Variants in PSMD8 observed in about 807,000 individuals in gnomAD.
PSMD8 encodes the protein 26S proteasome non-ATPase regulatory subunit 8.
PSMD8 carries 30 observed loss-of-function variants against 40.0 expected under a neutral mutation model. The ratio of observed to expected loss-of-function variants is 0.75; its 90% CI spans 0.56 to 1.02. The LOEUF (loss-of-function observed/expected upper bound fraction) is 1.02, where lower values mean the gene tolerates loss of function less well. PSMD8 is among the 50% of genes least tolerant of loss of function. The pLI, the probability that PSMD8 is intolerant of heterozygous loss-of-function variation, is 0.00. For missense variants in PSMD8, 461 were observed against 463.9 expected (o/e 0.99, Z 0.06); for synonymous variants, 208 against 192.5 (o/e 1.08, Z -0.67).
At position 38,374,753 on chromosome 19, in the gene PSMD8, G is replaced by A; in HGVS notation, c.152G>A (p.Cys51Tyr). Residue 51 changes from cysteine (C) to tyrosine (Y), a missense_variant, in exon 1 of 7, where the codon TGC becomes TAC. Transcript: ENST00000215071. Reference protein sequence around the residue: ...FRRASVCRRRCRKSGGLLAAS... With the variant: ...FRRASVCRRRYRKSGGLLAAS... ...CGGGCAAGCGTTTGTAGGCGGCGCT[G>A]CCGTAAATCAGGCGGTCTGCTTGCC... The A allele has an allele frequency of 6.4e-7, 1 of 1,559,612 alleles. No homozygotes were observed. Among genetic ancestry groups the A allele is most frequent in the Non-Finnish European group, 8.6e-7 (1 of 1,156,510 alleles).
chr19:38,380,638 A>G (rs1229881459), intron 4 of PSMD8, among the ~76,000 whole-genome samples: 2 of 130,748 alleles, frequency 1.5e-5, no homozygotes, highest in Admixed American at 8.1e-5. Flanking sequence ...AGATAATGAG[A>G]TGCCAGCCCA....
chr19:38,376,143 C>A lies in PSMD8; in HGVS notation c.361-17C>A. 2 of 1,580,480 alleles carry A rather than the reference C, an allele frequency of 1.3e-6. No individual in the cohort carries two copies. The highest frequency in any genetic ancestry group is 1.7e-6 in the Non-Finnish European group (2 of 1,153,554). On this transcript the variant is annotated splice_polypyrimidine_tract_variant and intron_variant, in intron 1 of 6. Coordinates refer to ENST00000215071, the MANE Select transcript of PSMD8 (RefSeq NM_002812.5). ...ATTCCCTTCTTTTCTTTCTTCCCTC[C>A]CTCCCCTCCCCATCAGCTAGTTCTT... is the stretch of plus-strand genomic sequence containing the variant.
Position 38,374,849 on chromosome 19 carries a change from C to T in PSMD8, c.248C>T (p.Thr83Ile), listed in dbSNP as rs1188034907. The change falls in exon 1 of 7, where the codon ACC becomes ATC. Residue 83 changes from threonine to isoleucine, a missense_variant. Around this residue, in one of 2 missense-constraint regions of PSMD8, gnomAD observed 225 missense variants for 142.7 expected, o/e 1.58. Coordinates refer to ENST00000215071, the MANE Select transcript of PSMD8 (RefSeq NM_002812.5). ...AGFSSSGPAA[T>I]SGAVLQAATG... Reference sequence around the variant, plus strand: ...TTCTCGAGCTCCGGGCCCGCGGCAACCTCGGGCGCTGTTCTGCAGGCCGCG... The same window carrying T: ...TTCTCGAGCTCCGGGCCCGCGGCAATCTCGGGCGCTGTTCTGCAGGCCGCG... 1.3e-6 allele frequency: 2 copies of T among 1,580,750 alleles called. No individual in the cohort carries two copies. The highest frequency in any genetic ancestry group is 1.3e-5 in the African/African-American group (1 of 74,488).
chr19:38,375,218 G>A (rs1970588512), intron 1 of PSMD8: 2 of 556,214 alleles, frequency 3.6e-6, no homozygotes, highest in Non-Finnish European at 3.1e-6. Context: ...AGGCGGGGGA[G>A]CGTCGCTTGA....
chr19:38,380,707 A>AGAGAGG (rs1555743507), intron 4 of PSMD8, among the ~76,000 whole-genome samples, 192 bp from the exon 5 acceptor site: 1 of 120,880 alleles, frequency 8.3e-6, no homozygotes, highest in South Asian at 2.9e-4. Flanking sequence ...AGAGAGAGAG[A>AGAGAGG]GTGTGTGTGT....
intron 3 of PSMD8, among the ~76,000 whole-genome samples, chr19:38,378,241 C>G (rs1254716004): frequency 2.6e-5 from 4 of 151,560 alleles, no homozygotes; most frequent in Non-Finnish European, 5.9e-5. Context: ...GGCATGGTGG[C>G]TTACACCTGT....
Position 38,374,723 on chromosome 19 carries a change from T to C in PSMD8, c.122T>C (p.Phe41Ser). 1 of 1,547,926 alleles carries C rather than the reference T, an allele frequency of 6.5e-7. No individual in the cohort carries two copies. The change falls in exon 1 of 7, where the codon TTC (phenylalanine) becomes TCC (serine). Residue 41 changes from phenylalanine (F) to serine (S), a missense_variant. By Grantham distance (155) the Phe-to-Ser change is radical. Transcript: ENST00000215071. ...TTGGGCTCCACCTCTCGGCCCCACT[T>C]CCGCCGGGCAAGCGTTTGTAGGCGG... ...RALGSTSRPHFRRASVCRRRC... is the reference protein window; with the variant it reads ...RALGSTSRPHSRRASVCRRRC...
At chr19:38,379,853 T>C (rs1347906918) in intron 4 of PSMD8, among the ~76,000 whole-genome samples, 2 of 152,164 alleles carry the variant, frequency 1.3e-5, no homozygotes, top group African/African-American at 2.4e-5. Context: ...CTCAGCACTT[T>C]GGGAGGCTGA....
rs1451825231 is a variant in PSMD8 at position 38,383,431 on chromosome 19, A to G, written c.*41A>G. The stretch of plus-strand genomic sequence containing the variant: ...GGTGGGGCAGGGCACGAGTTATTTA[A>G]AACAGTTACACTGCAGGGTTTCGCC... On this transcript the variant is annotated 3_prime_UTR_variant, in exon 7 of 7. Coordinates refer to ENST00000215071, the MANE Select transcript of PSMD8 (RefSeq NM_002812.5). The G allele has an allele frequency of 1.2e-6, 2 of 1,612,398 alleles. No individual in the cohort carries two copies. The highest frequency in any genetic ancestry group is 3.3e-4 in the Middle Eastern group (2 of 6,062).
intron 4 of PSMD8, among the ~76,000 whole-genome samples, 178 bp from the exon 5 acceptor site, chr19:38,380,721 T>C (rs1461668060): frequency 8.1e-6 from 1 of 123,936 alleles, no homozygotes; most frequent in Non-Finnish European, 1.8e-5. Context: ...TGTGTGTGTG[T>C]GTGTGTGTGC....
chr19:38,380,150 A>G (rs57146784), intron 4 of PSMD8, among the ~76,000 whole-genome samples: 16,838 of 151,554 alleles, frequency 0.11, 1,164 homozygotes, highest in East Asian at 0.31. Context: ...AGCCAGGCGG[A>G]TGGTGGGTGC....
chr19:38,380,318 C>T lies in PSMD8; in HGVS notation c.703-581C>T, dbSNP rs561813339. Reference sequence around the variant, plus strand: ...TAAGGGACTGAACCCTGTGGACAGCCGGGCAGAGGAACCAGCCAGTCCAAA... The same window carrying T: ...TAAGGGACTGAACCCTGTGGACAGCTGGGCAGAGGAACCAGCCAGTCCAAA... On this transcript the variant is annotated intron_variant, in intron 4 of 6. Transcript: ENST00000215071. 2.6e-5 allele frequency among the ~76,000 whole-genome samples: 4 copies of T among 152,298 alleles called. No individual in the cohort carries two copies. The South Asian group carries it at 6.2e-4, about 24-fold the overall frequency.
intron 3 of PSMD8, among the ~76,000 whole-genome samples, chr19:38,377,120 AT>A (rs1214492167): frequency 1.3e-5 from 2 of 152,238 alleles, no homozygotes; most frequent in Non-Finnish European, 2.9e-5. Context: ...CCGCTTCCTG[AT>A]TATGAGGTCT....
chr19:38,382,701 G>A (rs1432947186), intron 6 of PSMD8: 1 of 218,856 alleles, frequency 4.6e-6, no homozygotes, highest in Non-Finnish European at 9.0e-6. Flanking sequence ...GAGGTCAGGA[G>A]TTCGAGACCA....
At chr19:38,381,141 C>A in intron 5 of PSMD8, 142 bp downstream of exon 5, 1 of 636,836 alleles carries the variant, frequency 1.6e-6, no homozygotes, top group Non-Finnish European at 2.6e-6. Context: ...CTCAGCTCTC[C>A]TTTTCAGTGA....
At chr19:38,377,687 C>T (rs1323752990) in intron 3 of PSMD8, among the ~76,000 whole-genome samples, 4 of 152,164 alleles carry the variant, frequency 2.6e-5, no homozygotes, top group South Asian at 2.1e-4. Context: ...TAGAGTGCAA[C>T]GGCTGGATCT....
At chr19:38,376,878 C>T (rs1312500187) in intron 3 of PSMD8, among the ~76,000 whole-genome samples, 1 of 152,238 alleles carries the variant, frequency 6.6e-6, no homozygotes. Context: ...AGCTCACACC[C>T]CTCTGCCTGT....
chr19:38,375,160 A>G (rs1970587885), intron 1 of PSMD8, 199 bp downstream of exon 1: 28 of 920,774 alleles, frequency 3.0e-5, no homozygotes, highest in Non-Finnish European at 4.3e-5. Flanking sequence ...AGAGAGGGAC[A>G]GGGAGCGTTG....
rs777486084 is a variant in PSMD8, at chr19:38,374,835, C to T, written c.234C>T (p.Ser78=). 1.0e-5 allele frequency: 16 copies of T among 1,576,108 alleles called. No individual in the cohort carries two copies. Among genetic ancestry groups the T allele is most frequent in the East Asian group, 6.9e-5 (3 of 43,420 alleles). Residue 78 remains serine, a synonymous_variant, in exon 1 of 7, where the codon TCC becomes TCT. Transcript: ENST00000215071. ...AVNGAAGFSS[S]GPAATSGAVL... ...ACGGGGCGGCAGGCTTCTCGAGCTC[C>T]GGGCCCGCGGCAACCTCGGGCGCTG...
Sources: gnomAD v4.1 joint callset for allele counts (sites outside exome capture counted in the v4.1 genomes callset) on GRCh38, gnomAD v4.1.1 for gene constraint, gnomAD v4.1.1 regional missense constraint, MANE v1.5 for transcripts, NCBI Gene and HGNC (gene_info 2026-07-23, HGNC 2026-07-21) for gene names.